RBFOX3: variants seen among roughly 807,000 people sequenced by gnomAD.
RBFOX3 encodes RNA binding protein fox-1 homolog 3.
A neutral mutation model predicts 48.7 loss-of-function variants in RBFOX3; 17 were observed. The ratio of observed to expected loss-of-function variants is 0.35; its 90% CI spans 0.24 to 0.52. RBFOX3 has a LOEUF of 0.52. Among genes scored for constraint, RBFOX3 ranks in the 20% least tolerant of loss-of-function variants. The pLI is 0.94. For missense variants in RBFOX3, 382 were observed against 497.5 expected, an observed-to-expected ratio of 0.77 and a Z score of 2.21; for synonymous variants, 212 against 209.5, an observed-to-expected ratio of 1.01 and a Z score of -0.10.
chr17:79,544,793 TCCC>T (rs1302705232), intron 1 of RBFOX3, among the ~76,000 whole-genome samples: 1 of 151,174 alleles, frequency 6.6e-6, no homozygotes, highest in African/African-American at 2.4e-5. Context: ...AGCACCGCCC[TCCC>T]CCCACCTTCT....
At chr17:79,270,560 G>C (rs982078812) in intron 3 of RBFOX3, among the ~76,000 whole-genome samples, 2 of 152,214 alleles carry the variant, frequency 1.3e-5, no homozygotes, top group Non-Finnish European at 2.9e-5. Flanking sequence ...CACTGGGCAG[G>C]AACAAGGGCC....
intron 1 of RBFOX3, among the ~76,000 whole-genome samples, chr17:79,492,780 T>A (rs574724318): frequency 1.3e-5 from 2 of 152,248 alleles, no homozygotes; most frequent in South Asian, 4.1e-4. Flanking sequence ...GCCACAGGCA[T>A]GGAGAAGAAC....
At chr17:79,218,325 C>CT (rs1301232070) in intron 4 of RBFOX3, among the ~76,000 whole-genome samples, 1 of 151,950 alleles carries the variant, frequency 6.6e-6, no homozygotes, top group Non-Finnish European at 1.5e-5. Flanking sequence ...GAGGATCCTC[C>CT]TATGGGGGCC....
At chr17:79,349,732 A>G (rs908622357) in intron 2 of RBFOX3, among the ~76,000 whole-genome samples, 1 of 151,948 alleles carries the variant, frequency 6.6e-6, no homozygotes, top group Non-Finnish European at 1.5e-5. Flanking sequence ...GTCACAGCTC[A>G]ACAAAGATGC....
chr17:79,271,593 T>C (rs1020741480), intron 3 of RBFOX3, among the ~76,000 whole-genome samples: 1 of 152,182 alleles, frequency 6.6e-6, no homozygotes, highest in African/African-American at 2.4e-5. Context: ...GCCTGGGCCA[T>C]GTTCCTACCA....
chr17:79,163,588 G>C (rs1171671899), intron 4 of RBFOX3, among the ~76,000 whole-genome samples: 2 of 152,240 alleles, frequency 1.3e-5, no homozygotes, highest in African/African-American at 4.8e-5. Flanking sequence ...GAACCGGGAA[G>C]GTTGTTGCCA....
At chr17:79,416,040 C>T (rs1268985618) in intron 2 of RBFOX3, among the ~76,000 whole-genome samples, 4 of 152,148 alleles carry the variant, frequency 2.6e-5, no homozygotes, top group East Asian at 3.9e-4. Flanking sequence ...CTCCTTCTGC[C>T]GCCGCCTCTT....
chr17:79,557,194 C>T (rs2091827661), intron 1 of RBFOX3, among the ~76,000 whole-genome samples: 1 of 146,108 alleles, frequency 6.8e-6, no homozygotes, highest in East Asian at 2.0e-4. Flanking sequence ...CCACTGCACT[C>T]CAGCCTGGGT....
intron 1 of RBFOX3, among the ~76,000 whole-genome samples, chr17:79,543,176 T>C (rs1206152688): frequency 2.0e-5 from 3 of 152,164 alleles, no homozygotes; most frequent in Admixed American, 6.5e-5. Context: ...TTGCAAGTAA[T>C]GAGTGATTTT....
the RBFOX3 span, among the ~76,000 whole-genome samples, chr17:79,633,553 C>T: frequency 3.3e-5 from 5 of 152,096 alleles, no homozygotes; most frequent in African/African-American, 9.7e-5. Flanking sequence ...CAGATGCCTC[C>T]GCAGGCCCCC....
intron 1 of RBFOX3, among the ~76,000 whole-genome samples, chr17:79,583,659 T>G (rs1246859116): frequency 6.6e-6 from 1 of 151,580 alleles, no homozygotes; most frequent in Non-Finnish European, 1.5e-5. Context: ...CCCAGAGGAG[T>G]GCAACCTCTA....
At chr17:79,396,662 AG>A (rs1482140918) in intron 2 of RBFOX3, among the ~76,000 whole-genome samples, 1 of 152,204 alleles carries the variant, frequency 6.6e-6, no homozygotes, top group Non-Finnish European at 1.5e-5. Context: ...CAGACTCAGG[AG>A]GGCTGTCATT....
At chr17:79,459,305 G>A (rs1020082390) in intron 2 of RBFOX3, among the ~76,000 whole-genome samples, 11 of 152,208 alleles carry the variant, frequency 7.2e-5, no homozygotes, top group Admixed American at 2.0e-4. Flanking sequence ...TGCTGGCCAT[G>A]TGGGAGGCGC....
chr17:79,156,458 C>T (rs1466448176), intron 4 of RBFOX3, among the ~76,000 whole-genome samples: 1 of 152,150 alleles, frequency 6.6e-6, no homozygotes, highest in African/African-American at 2.4e-5. Context: ...GGGAGAACCT[C>T]GCCTGAGCTG....
chr17:79,349,773 A>C (rs1050324089), intron 2 of RBFOX3, among the ~76,000 whole-genome samples: 2 of 151,814 alleles, frequency 1.3e-5, no homozygotes, highest in African/African-American at 2.4e-5. Flanking sequence ...GAGAGATGCC[A>C]TCAGTGGTGG....
chr17:79,124,469 T>C (rs575398553), intron 4 of RBFOX3, among the ~76,000 whole-genome samples: 217 of 152,296 alleles, frequency 1.4e-3, no homozygotes, highest in Non-Finnish European at 2.3e-3. Flanking sequence ...GTGAACGAGA[T>C]GGGGCCTTAT....
At chr17:79,158,429 A>C (rs960232499) in intron 4 of RBFOX3, among the ~76,000 whole-genome samples, 1 of 152,172 alleles carries the variant, frequency 6.6e-6, no homozygotes, top group Admixed American at 6.5e-5. Context: ...AGATGTGAAG[A>C]GCCTGGAGCA....
intron 1 of RBFOX3, among the ~76,000 whole-genome samples, chr17:79,507,962 T>C (rs1555779430): frequency 1.3e-5 from 2 of 152,158 alleles, no homozygotes; most frequent in African/African-American, 2.4e-5. Flanking sequence ...CAGACAGCTT[T>C]TCTCTAGCTC....
chr17:79,094,551 G>A lies in RBFOX3; in HGVS notation c.999-22C>T, dbSNP rs555129979. 3.4e-4 allele frequency: 342 copies of A among 1,012,790 alleles called. 1 individual carries two copies. The highest frequency in any genetic ancestry group is 8.6e-4 in the Admixed American group (21 of 24,514). The allele number at this position is 1,012,790 out of a possible 1,614,324, so 62.7% of individuals were successfully genotyped here. The stretch of plus-strand genomic sequence containing the variant: ...GTAACTAGGGAAGAGCGTGGGAGGG[G>A]GAGTGGGAGGAGGGTGGGGGAGGGG... On this transcript the variant is annotated intron_variant, in intron 13 of 14. Transcript: ENST00000693108.
Sources: gnomAD v4.1 joint callset for allele counts (sites outside exome capture counted in the v4.1 genomes callset) on GRCh38, gnomAD v4.1.1 for gene constraint, MANE v1.5 for transcripts, NCBI Gene and HGNC (gene_info 2026-07-23, HGNC 2026-07-21) for gene names.